The following AADAC variants were observed in gnomAD, a reference collection of about 807,000 sequenced individuals.
The protein encoded by AADAC is arylacetamide deacetylase.
A neutral mutation model predicts 22.7 loss-of-function variants in AADAC; 17 were observed. The ratio of observed to expected loss-of-function variants is 0.75; its 90% CI spans 0.51 to 1.12. The LOEUF is 1.12. Ranked by LOEUF, AADAC falls within the 50% of genes most tolerant of loss-of-function variation. The pLI, the probability that AADAC is intolerant of heterozygous loss-of-function variation, is 0.00. For missense variants in AADAC, 465 were observed against 473.9 expected (o/e 0.98, Z 0.17); for synonymous variants, 167 against 176.3 (o/e 0.95, Z 0.42).
Position 151,818,778 on chromosome 3 carries a change from G to T in AADAC, c.361+1190G>T, listed in dbSNP as rs537081616. ...TATTTGGCAAGAGTAATCAAGATTG[G>T]GTGTGAAGGTTGTATATTTCTTGAT... On this transcript the variant is annotated intron_variant, in intron 2 of 4. Coordinates refer to ENST00000232892, the MANE Select transcript of AADAC (RefSeq NM_001086.3). Among the ~76,000 whole-genome samples, 92 of 152,148 alleles carry T rather than the reference G, an allele frequency of 6.0e-4. 1 individual carries two copies. The highest frequency in any genetic ancestry group is 8.8e-4 in the Non-Finnish European group (60 of 67,970).
Position 151,823,384 on chromosome 3 carries a change from A to G in AADAC, c.432-1279A>G, listed in dbSNP as rs528035336. On this transcript the variant is annotated intron_variant, in intron 3 of 4. Transcript: ENST00000232892. ...GTGGGTATAGACATATGTATACTAT[A>G]AAAGTTTTTAAATACATATATACAT... 2.6e-5 allele frequency among the ~76,000 whole-genome samples: 4 copies of G among 152,138 alleles called. No homozygotes were observed. The South Asian group carries it at 6.2e-4, about 24-fold the overall frequency.
chr3:151,824,676 C>T lies in AADAC; in HGVS notation c.445C>T (p.Pro149Ser). Residue 149 changes from proline to serine, a missense_variant, in exon 4 of 5, where the codon CCT (proline) becomes TCT (serine). Coordinates refer to ENST00000232892, the MANE Select transcript of AADAC (RefSeq NM_001086.3). Reference protein sequence around the residue: ...VVVSTNYRLAPKYHFPIQFED... With the variant: ...VVVSTNYRLASKYHFPIQFED... ...TTCTCTCTACAGCTACAGATTAGCA[C>T]CTAAGTATCATTTCCCAATTCAATT... 1 of 1,577,948 alleles carries T rather than the reference C, an allele frequency of 6.3e-7. No individual in the cohort carries two copies. The highest frequency in any genetic ancestry group is 8.6e-7 in the Non-Finnish European group (1 of 1,164,436).
Position 151,814,644 on chromosome 3 carries a change from T to A in AADAC, c.138+344T>A, listed in dbSNP as rs140133947. On this transcript the variant is annotated intron_variant, in intron 1 of 4. Coordinates refer to ENST00000232892, the MANE Select transcript of AADAC (RefSeq NM_001086.3). ...TTAAATTTTATACTCAAATTAGAGA[T>A]CATCTGATTATGCAGCACTGTGTTA... Among the ~76,000 whole-genome samples, 293 of 152,218 alleles carry A rather than the reference T, an allele frequency of 1.9e-3. 3 individuals are homozygous for A. Among genetic ancestry groups the A allele is most frequent in the African/African-American group, 6.5e-3 (270 of 41,570 alleles).
intron 1 of AADAC, 84 bp from the exon 2 acceptor site, chr3:151,817,282 A>T: frequency 8.6e-7 from 1 of 1,157,606 alleles, no homozygotes; most frequent in Non-Finnish European, 1.2e-6. Flanking sequence ...GAGTTTATTA[A>T]GGGTTAATGT....
chr3:151,826,571 G>T (rs1326145094), intron 4 of AADAC, among the ~76,000 whole-genome samples: 1 of 151,864 alleles, frequency 6.6e-6, no homozygotes, highest in African/African-American at 2.4e-5. Context: ...TTATTTAGAA[G>T]TTCTATACAT....
chr3:151,814,162 C>T lies in AADAC; in HGVS notation c.-1C>T, dbSNP rs757193163. On this transcript the variant is annotated 5_prime_UTR_variant, in exon 1 of 5. Coordinates refer to ENST00000232892, the MANE Select transcript of AADAC (RefSeq NM_001086.3). ...AGAGACCAAGAAGCGGGACGTTCAC[C>T]ATGGGAAGAAAATCGCTGTACCTTC... 1.2e-6 allele frequency: 2 copies of T among 1,613,340 alleles called. No homozygotes were observed. The highest frequency in any genetic ancestry group is 2.2e-5 in the South Asian group (2 of 91,060).
intron 1 of AADAC, among the ~76,000 whole-genome samples, chr3:151,816,996 T>C (rs187053482): frequency 6.6e-6 from 1 of 152,146 alleles, no homozygotes; most frequent in Admixed American, 6.5e-5. Context: ...TCTGGACAAA[T>C]GAAGGCTCTC....
chr3:151,820,049 A>C (rs1405337872), intron 2 of AADAC, among the ~76,000 whole-genome samples: 1 of 152,044 alleles, frequency 6.6e-6, no homozygotes, highest in Non-Finnish European at 1.5e-5. Context: ...TATACCCATC[A>C]TCTAAAACAG....
Position 151,828,002 on chromosome 3 carries a change from CTCT to C in AADAC, c.1032_1034del (p.Leu345del). 1 of 1,613,228 alleles carries C rather than the reference CTCT, an allele frequency of 6.2e-7. No individual in the cohort carries two copies. Among genetic ancestry groups the C allele is most frequent in the South Asian group, 1.1e-5 (1 of 91,030 alleles). On this transcript the variant is annotated inframe_deletion, in exon 5 of 5. Coordinates refer to ENST00000232892, the MANE Select transcript of AADAC (RefSeq NM_001086.3). ...CTATGTCATCACCTGTCAATATGAT[CTCT>C]TAAGAGATGATGGACTCATGTATGT...
intron 4 of AADAC, 51 bp from the exon 5 acceptor site, chr3:151,827,524 TA>T (rs1157538112): frequency 9.3e-5 from 92 of 990,300 alleles, no homozygotes; most frequent in East Asian, 4.2e-4. Context: ...TTATTAGGGA[TA>T]TTTTATTGTT....
At position 151,827,578 on chromosome 3, in the gene AADAC, C is replaced by T. The variant is rs369039148; in HGVS notation, c.606C>T (p.Leu202=). The change falls in exon 5 of 5, where the codon CTC becomes CTT. Residue 202 remains leucine, a splice_region_variant and synonymous_variant. Transcript: ENST00000232892. ...GNLAAAVTQQ[L]LDDPDVKIKL... ...GTGCAAATCATCTTGCTTCTCAGCT[C>T]CTTGATGACCCAGATGTCAAGATCA... 5.8e-6 allele frequency: 9 copies of T among 1,539,150 alleles called. No homozygotes were observed. In the African/African-American group the frequency reaches 1.2e-4, roughly 21 times the overall value.
At chr3:151,816,459 T>C (rs1291019978) in intron 1 of AADAC, among the ~76,000 whole-genome samples, 3 of 152,114 alleles carry the variant, frequency 2.0e-5, no homozygotes, top group African/African-American at 7.2e-5. Context: ...TCTGTAATAG[T>C]ATTTACATTG....
intron 1 of AADAC, 93 bp from the exon 2 acceptor site, chr3:151,817,273 A>G: frequency 9.5e-7 from 1 of 1,051,380 alleles, no homozygotes. Flanking sequence ...ATTCCATTTG[A>G]GTTTATTAAG....
chr3:151,828,179 A>G lies in AADAC; in HGVS notation c.*7A>G, dbSNP rs370632780. On this transcript the variant is annotated 3_prime_UTR_variant, in exon 5 of 5. Transcript: ENST00000232892. Reference sequence around the variant, plus strand: ...GCTAAAGGAAAATCTATAGTAAAACATGTAGCTATAACATATTTTAAAAAT... The same window carrying G: ...GCTAAAGGAAAATCTATAGTAAAACGTGTAGCTATAACATATTTTAAAAAT... 4.1e-6 allele frequency: 6 copies of G among 1,459,042 alleles called. No homozygotes were observed. In the African/African-American group the frequency reaches 8.5e-5, roughly 21 times the overall value. 90.4% of individuals were successfully genotyped at this position (1,459,042 alleles called of 1,614,324 possible).
In AADAC at chr3:151,817,630, C is replaced by T. The variant is rs200554328; in HGVS notation, c.361+42C>T. 15 of 1,575,014 alleles carry T rather than the reference C, an allele frequency of 9.5e-6. No homozygotes were observed. The East Asian group carries it at 1.1e-4, about 12-fold the overall frequency. ...AAAAATCTCTGTCACTGAGGTAGTT[C>T]GCAGACATTTTACTAAGTCTTCAGT... On this transcript the variant is annotated intron_variant, in intron 2 of 4. Transcript: ENST00000232892.
chr3:151,827,506 A>T lies in AADAC; in HGVS notation c.604-70A>T, dbSNP rs1576646890. The T allele has an allele frequency of 1.5e-5, 14 of 939,412 alleles. No individual in the cohort carries two copies. In the South Asian group the frequency reaches 2.2e-4, roughly 15 times the overall value. The allele number at this position is 939,412 out of a possible 1,614,324, so 58.2% of individuals were successfully genotyped here. Reference sequence around the variant, plus strand: ...ATAAAAACAAGATAGATAGACAGATAGATAATCTTATTAGGGATATTTTAT... The same window carrying T: ...ATAAAAACAAGATAGATAGACAGATTGATAATCTTATTAGGGATATTTTAT... On this transcript the variant is annotated intron_variant, in intron 4 of 4. Transcript: ENST00000232892.
chr3:151,825,981 G>A (rs1716476423), intron 4 of AADAC, among the ~76,000 whole-genome samples: 1 of 145,190 alleles, frequency 6.9e-6, no homozygotes, highest in Admixed American at 7.1e-5. Flanking sequence ...TTATGTAGAA[G>A]TTAAGTAGAA....
rs1716586252 is a variant in AADAC, at chr3:151,828,093, G to C, written c.1121G>C (p.Gly374Ala). Reference protein sequence around the residue: ...THNHVEDGFHGAFSFLGLKIS... With the variant: ...THNHVEDGFHAAFSFLGLKIS... ...AACCATGTTGAGGATGGATTCCATG[G>C]AGCATTTTCATTTCTGGGACTTAAA... The change falls in exon 5 of 5, where the codon GGA (glycine) becomes GCA (alanine). Residue 374 changes from glycine (G) to alanine (A), a missense_variant. Coordinates refer to ENST00000232892, the MANE Select transcript of AADAC (RefSeq NM_001086.3). 1.9e-6 allele frequency: 3 copies of C among 1,611,354 alleles called. 1 individual carries two copies. Among genetic ancestry groups the C allele is most frequent in the Non-Finnish European group, 2.5e-6 (3 of 1,178,382 alleles).
intron 2 of AADAC, among the ~76,000 whole-genome samples, chr3:151,819,657 G>C (rs1716151668): frequency 6.6e-6 from 1 of 151,966 alleles, no homozygotes; most frequent in African/African-American, 2.4e-5. Flanking sequence ...GTAATGGGCT[G>C]GGAGTGTTGA....
Sources: gnomAD v4.1 joint callset for allele counts (sites outside exome capture counted in the v4.1 genomes callset) on GRCh38, gnomAD v4.1.1 for gene constraint, MANE v1.5 for transcripts, NCBI Gene and HGNC (gene_info 2026-07-23, HGNC 2026-07-21) for gene names.